The following BANP variants were observed in gnomAD, a reference collection of about 807,000 sequenced individuals.
The protein encoded by BANP is BTG3 associated nuclear protein.
A neutral mutation model predicts 68.1 loss-of-function variants in BANP; 11 were observed. The ratio of observed to expected loss-of-function variants is 0.16; its 90% CI spans 0.10 to 0.27. BANP has a LOEUF of 0.27. Ranked by LOEUF, BANP falls within the 10% of genes least tolerant of loss-of-function variation. BANP has a pLI of 1.00. For missense variants in BANP, 504 were observed against 722.7 expected (o/e 0.70, Z 3.47); for synonymous variants, 329 against 303.2 (o/e 1.09, Z -0.88).
At chr16:87,951,953 G>C (rs2056984688) in intron 1 of BANP, among the ~76,000 whole-genome samples, 1 of 152,184 alleles carries the variant, frequency 6.6e-6, no homozygotes, top group Non-Finnish European at 1.5e-5. Context: ...GGGAGCGACA[G>C]GCATCGTTTT....
rs2069788837 is a variant in BANP, at chr16:88,002,780, CTA to C, written c.363-1513_363-1512del. Among the ~76,000 whole-genome samples the C allele has an allele frequency of 1.3e-5, 2 of 152,202 alleles. No homozygotes were observed. Among genetic ancestry groups the C allele is most frequent in the African/African-American group, 4.8e-5 (2 of 41,446 alleles). ...AATGGTGGCCTGAATACATTTTACT[CTA>C]TTAAAATTTCTTCTCAGACTGTCAG... On this transcript the variant is annotated intron_variant, in intron 4 of 13. Transcript: ENST00000682872. This position sits in a 1 kb window ranked among gnomAD's most constrained non-coding sequence, Gnocchi z 4.6.
At chr16:87,964,250 C>G (rs907870681) in intron 1 of BANP, among the ~76,000 whole-genome samples, 2 of 152,222 alleles carry the variant, frequency 1.3e-5, no homozygotes, top group Non-Finnish European at 2.9e-5. Flanking sequence ...TCATCACAGA[C>G]GTATTCACTG....
At chr16:87,972,056 G>C (rs1351278099) in intron 1 of BANP, among the ~76,000 whole-genome samples, 1 of 152,130 alleles carries the variant, frequency 6.6e-6, no homozygotes, top group Non-Finnish European at 1.5e-5. Flanking sequence ...GCCTCCCAAA[G>C]TATTGGGATT....
chr16:88,031,648 C>CT, intron 8 of BANP, among the ~76,000 whole-genome samples: 1 of 109,510 alleles, frequency 9.1e-6, no homozygotes, highest in African/African-American at 3.0e-5. Flanking sequence ...GACTCTCTCT[C>CT]AAAAAAAAAA....
rs1022210270 is a variant in BANP, at chr16:88,071,181, G to T, written c.1378-888G>T. The stretch of plus-strand genomic sequence containing the variant: ...ACCGGTGAGACTCTCAGTGCACAGA[G>T]TGCGGTTCTGTGTGGAGGTGTGGGA... On this transcript the variant is annotated intron_variant, in intron 12 of 13. Transcript: ENST00000682872. The surrounding 1 kb of genome is among the most constrained non-coding windows in gnomAD (Gnocchi z 6.5). The T allele has an allele frequency of 6.0e-6, 2 of 335,502 alleles. No individual in the cohort carries two copies. The highest frequency in any genetic ancestry group is 8.8e-5 in the Admixed American group (2 of 22,720). 20.8% of individuals were successfully genotyped at this position (335,502 alleles called of 1,614,324 possible).
intron 13 of BANP, among the ~76,000 whole-genome samples, chr16:88,075,269 C>T (rs189658669): frequency 6.6e-6 from 1 of 152,274 alleles, no homozygotes; most frequent in African/African-American, 2.4e-5. Flanking sequence ...CTGCTTGAAC[C>T]CGGGAGGCGG....
chr16:88,042,747 G>T (rs2152789003), intron 11 of BANP, among the ~76,000 whole-genome samples: 1 of 146,820 alleles, frequency 6.8e-6, no homozygotes, highest in East Asian at 2.3e-4. Flanking sequence ...GCGAGACCCT[G>T]TCTCTACAGA....
chr16:87,962,247 A>G (rs1363746658), intron 1 of BANP, among the ~76,000 whole-genome samples: 1 of 150,390 alleles, frequency 6.6e-6, no homozygotes. Flanking sequence ...CTCAAAAAAA[A>G]AAAAAAAAAG....
intron 1 of BANP, among the ~76,000 whole-genome samples, chr16:87,967,879 C>G (rs915359177): frequency 2.6e-5 from 4 of 151,916 alleles, no homozygotes; most frequent in African/African-American, 9.7e-5. Context: ...CCTTGGCCCC[C>G]CAAAGTGCTG....
chr16:88,061,040 G>T (rs1011834576), intron 11 of BANP, among the ~76,000 whole-genome samples: 2 of 152,236 alleles, frequency 1.3e-5, no homozygotes, highest in Middle Eastern at 3.4e-3. Flanking sequence ...CCTGCTGGAA[G>T]GGGGGGTGGG....
intron 3 of BANP, among the ~76,000 whole-genome samples, chr16:87,983,439 G>A (rs1192688132): frequency 6.6e-6 from 1 of 152,188 alleles, no homozygotes; most frequent in East Asian, 1.9e-4. Flanking sequence ...TGTTTCTTGG[G>A]TTTGGGGTCC....
intron 11 of BANP, among the ~76,000 whole-genome samples, chr16:88,042,889 C>A (rs139610263): frequency 0.11 from 16,999 of 152,198 alleles, 1,244 homozygotes; most frequent in East Asian, 0.23. Context: ...TGCATTCCAG[C>A]CTGGGCAACA....
intron 4 of BANP, among the ~76,000 whole-genome samples, chr16:87,994,748 A>G (rs1394155754): frequency 2.6e-5 from 4 of 152,208 alleles, no homozygotes; most frequent in Admixed American, 2.6e-4. Flanking sequence ...CAGTCTGGGC[A>G]GCATAGTGAG....
At chr16:88,050,976 C>CT (rs2083127919) in intron 11 of BANP, among the ~76,000 whole-genome samples, 1 of 152,214 alleles carries the variant, frequency 6.6e-6, no homozygotes, top group Admixed American at 6.5e-5. Flanking sequence ...TGTGAGCCAC[C>CT]ACACCCAGCC....
intron 11 of BANP, among the ~76,000 whole-genome samples, chr16:88,053,732 C>T (rs1429887593): frequency 1.3e-5 from 2 of 150,664 alleles, no homozygotes; most frequent in Non-Finnish European, 2.9e-5. Flanking sequence ...ACCACCTTCA[C>T]CACCACCTCT....
intron 6 of BANP, among the ~76,000 whole-genome samples, chr16:88,015,144 C>T (rs1298312399): frequency 6.2e-5 from 9 of 146,024 alleles, no homozygotes; most frequent in Admixed American, 5.4e-4. Context: ...CCTGTGCTCC[C>T]TTAGCTCGTG....
chr16:88,025,974 G>A (rs1370597669), intron 7 of BANP, among the ~76,000 whole-genome samples: 11 of 152,196 alleles, frequency 7.2e-5, no homozygotes, highest in Admixed American at 1.3e-4. Context: ...ATTCGTCATC[G>A]CTACAGGGAT....
chr16:88,025,745 A>T (rs1178224474), intron 7 of BANP, among the ~76,000 whole-genome samples: 2 of 152,168 alleles, frequency 1.3e-5, no homozygotes, highest in Non-Finnish European at 2.9e-5. Context: ...TGTTTTAATT[A>T]TTTCCACCAT....
At chr16:88,005,264 T>C (rs971802509) in intron 5 of BANP, among the ~76,000 whole-genome samples, 2 of 152,150 alleles carry the variant, frequency 1.3e-5, no homozygotes, top group African/African-American at 2.4e-5. Context: ...ATGGCCAGTG[T>C]TGAGATCAGG....
Sources: gnomAD v4.1 joint callset for allele counts (sites outside exome capture counted in the v4.1 genomes callset) on GRCh38, gnomAD v4.1.1 for gene constraint, Gnocchi (gnomAD v3.1) non-coding constraint, MANE v1.5 for transcripts, NCBI Gene and HGNC (gene_info 2026-07-23, HGNC 2026-07-21) for gene names.